Variants in GALNT18 observed in about 807,000 individuals in gnomAD.
The protein encoded by GALNT18 is GalNAc-transferase 18.
Under a neutral mutation model 69.5 loss-of-function variants are expected in GALNT18, and 44 were observed. The ratio of observed to expected loss-of-function variants is 0.63; its 90% CI spans 0.50 to 0.81. The LOEUF is 0.81. Ranked by LOEUF, GALNT18 falls within the 40% of genes least tolerant of loss-of-function variation. The pLI is 0.00. For missense variants in GALNT18, 715 were observed against 810.0 expected, an observed-to-expected ratio of 0.88 and a Z score of 1.42; for synonymous variants, 364 against 318.2, an observed-to-expected ratio of 1.14 and a Z score of -1.53.
chr11:11,488,986 A>G (rs1482041862), intron 1 of GALNT18, among the ~76,000 whole-genome samples: 1 of 152,262 alleles, frequency 6.6e-6, no homozygotes, highest in Non-Finnish European at 1.5e-5. Flanking sequence ...AAGAATAAAA[A>G]GAAGGGCTTA....
intron 1 of GALNT18, among the ~76,000 whole-genome samples, chr11:11,482,748 CT>C (rs1856561585): frequency 6.6e-6 from 1 of 152,194 alleles, no homozygotes. Context: ...TACATCAGTT[CT>C]TCAGCAATCT....
rs534563209 is a variant in GALNT18 at position 11,477,642 on chromosome 11, G to A, written c.236-28706C>T. 3.3e-5 allele frequency among the ~76,000 whole-genome samples: 5 copies of A among 152,298 alleles called. No homozygotes were observed. The East Asian group carries it at 5.8e-4, about 18-fold the overall frequency. Reference sequence around the variant, plus strand: ...CAGATCCTCTAGTAGAATTAACAGCGAGTTTAAGTTTTGCTGATTAAATAG... The same window carrying A: ...CAGATCCTCTAGTAGAATTAACAGCAAGTTTAAGTTTTGCTGATTAAATAG... On this transcript the variant is annotated intron_variant, in intron 1 of 10. Transcript: ENST00000227756.
chr11:11,300,979 G>A (rs1410735283), intron 9 of GALNT18, among the ~76,000 whole-genome samples: 3 of 152,152 alleles, frequency 2.0e-5, no homozygotes, highest in Non-Finnish European at 2.9e-5. Flanking sequence ...TAAAAGCAAT[G>A]CCCCTGCAGA....
Position 11,436,583 on chromosome 11 carries a change from T to C in GALNT18, c.429-3796A>G, listed in dbSNP as rs887973920. On this transcript the variant is annotated intron_variant, in intron 2 of 10. Coordinates refer to ENST00000227756, the MANE Select transcript of GALNT18 (RefSeq NM_198516.3). The surrounding 1 kb of genome is among the most constrained non-coding windows in gnomAD (Gnocchi z 4.5). ...GCAGCAGGTCTTCCATTGGTGTTTG[T>C]TGAATAAATTCCCTTTCAGTTTCCA... 6.6e-6 allele frequency among the ~76,000 whole-genome samples: 1 copy of C among 152,210 alleles called. No individual in the cohort carries two copies. The highest frequency in any genetic ancestry group is 1.5e-5 in the Non-Finnish European group (1 of 68,038).
chr11:11,553,659 G>A (rs1858254807), intron 1 of GALNT18, among the ~76,000 whole-genome samples: 2 of 150,136 alleles, frequency 1.3e-5, no homozygotes, highest in African/African-American at 4.8e-5. Context: ...GAAGTGTGGA[G>A]AGGACTGAGA....
intron 3 of GALNT18, among the ~76,000 whole-genome samples, chr11:11,411,562 C>T (rs2133757500): frequency 6.6e-6 from 1 of 152,302 alleles, no homozygotes; most frequent in South Asian, 2.1e-4. Context: ...TGTTTTGGCA[C>T]TGAAAGGCCA....
intron 1 of GALNT18, among the ~76,000 whole-genome samples, chr11:11,547,357 C>A (rs982499863): frequency 2.0e-5 from 3 of 152,156 alleles, no homozygotes; most frequent in Admixed American, 2.0e-4. Context: ...TCAGGTAAGG[C>A]CCCTAGACAG....
intron 10 of GALNT18, among the ~76,000 whole-genome samples, chr11:11,291,954 G>GGGAGAGTAACT (rs1849307763): frequency 6.6e-6 from 1 of 152,178 alleles, no homozygotes; most frequent in African/African-American, 2.4e-5. Context: ...CCTTGCTACA[G>GGGAGAGTAACT]GGAGAGTAAC....
chr11:11,615,884 C>A (rs916174810), intron 1 of GALNT18, among the ~76,000 whole-genome samples: 1 of 152,126 alleles, frequency 6.6e-6, no homozygotes, highest in Non-Finnish European at 1.5e-5. Flanking sequence ...CCTAAGGCAT[C>A]TATGTAAAAT....
At chr11:11,323,472 C>T (rs1423607066) in intron 9 of GALNT18, among the ~76,000 whole-genome samples, 1 of 152,218 alleles carries the variant, frequency 6.6e-6, no homozygotes, top group Non-Finnish European at 1.5e-5. Flanking sequence ...TCAAGAATAA[C>T]CCTCTTTGGC....
At chr11:11,451,969 T>G (rs1048188648) in intron 1 of GALNT18, among the ~76,000 whole-genome samples, 1 of 152,172 alleles carries the variant, frequency 6.6e-6, no homozygotes, top group Non-Finnish European at 1.5e-5. Flanking sequence ...TAGAACACAG[T>G]CACATCCACT....
intron 9 of GALNT18, among the ~76,000 whole-genome samples, chr11:11,324,066 T>A (rs1849878398): frequency 1.3e-5 from 2 of 152,152 alleles, no homozygotes; most frequent in Admixed American, 1.3e-4. Flanking sequence ...CTTTCCCATG[T>A]GAGGACACAG....
At position 11,432,525 on chromosome 11, in the gene GALNT18, G is replaced by A. The variant is rs1855290680; in HGVS notation, c.595+96C>T. The A allele has an allele frequency of 4.0e-6, 5 of 1,254,928 alleles. No individual in the cohort carries two copies. The South Asian group carries it at 7.3e-5, about 18-fold the overall frequency. 77.7% of individuals were successfully genotyped at this position (1,254,928 alleles called of 1,614,324 possible). On this transcript the variant is annotated intron_variant, in intron 3 of 10. Coordinates refer to ENST00000227756, the MANE Select transcript of GALNT18 (RefSeq NM_198516.3). This position sits in a 1 kb window ranked among gnomAD's most constrained non-coding sequence, Gnocchi z 5.8. ...ATGCTCCAGAGAAAGAGCAGCCACA[G>A]ACAGCCTTGAGCAAATGTGAACCAC...
At chr11:11,398,172 T>C (rs1010194254) in intron 3 of GALNT18, among the ~76,000 whole-genome samples, 1 of 152,242 alleles carries the variant, frequency 6.6e-6, no homozygotes, top group Non-Finnish European at 1.5e-5. Context: ...GCACACTTAA[T>C]AAGTAGCAGA....
chr11:11,578,903 C>T (rs1395907677), intron 1 of GALNT18, among the ~76,000 whole-genome samples: 2 of 152,210 alleles, frequency 1.3e-5, no homozygotes, highest in Non-Finnish European at 2.9e-5. Context: ...GCTATGTCAG[C>T]AGCGAAGAAC....
Position 11,596,656 on chromosome 11 carries a change from C to T in GALNT18, c.235+24703G>A, listed in dbSNP as rs575046456. ...GATTTTTTATAGTTTGTTTTCAGAT[C>T]GCCCACTGATAGTGATAGAAATACA... is the stretch of plus-strand genomic sequence containing the variant. On this transcript the variant is annotated intron_variant, in intron 1 of 10. Coordinates refer to ENST00000227756, the MANE Select transcript of GALNT18 (RefSeq NM_198516.3). The surrounding 1 kb of genome is among the most constrained non-coding windows in gnomAD (Gnocchi z 4.2). Among the ~76,000 whole-genome samples the T allele has an allele frequency of 8.5e-5, 13 of 152,108 alleles. No individual in the cohort carries two copies. Among genetic ancestry groups the T allele is most frequent in the Non-Finnish European group, 1.8e-4 (12 of 67,962 alleles).
At chr11:11,574,002 A>G (rs985337104) in intron 1 of GALNT18, among the ~76,000 whole-genome samples, 3 of 152,226 alleles carry the variant, frequency 2.0e-5, no homozygotes, top group African/African-American at 2.4e-5. Flanking sequence ...AAGAGCTGAC[A>G]TTCAAATCTA....
At chr11:11,330,882 T>G (rs1031697790) in intron 8 of GALNT18, among the ~76,000 whole-genome samples, 3 of 152,182 alleles carry the variant, frequency 2.0e-5, no homozygotes, top group African/African-American at 7.2e-5. Flanking sequence ...CCTCTCTGGG[T>G]GAGTTTGGCT....
chr11:11,311,713 C>T (rs1171469290), intron 9 of GALNT18, among the ~76,000 whole-genome samples: 4 of 152,188 alleles, frequency 2.6e-5, no homozygotes, highest in African/African-American at 9.7e-5. Flanking sequence ...GGGGAGGGCA[C>T]ATCTCTCAAG....
Sources: allele counts gnomAD v4.1 joint callset (sites outside exome capture counted in the v4.1 genomes callset), GRCh38; gene constraint gnomAD v4.1.1; non-coding constraint Gnocchi (gnomAD v3.1); transcripts MANE v1.5; gene names NCBI Gene and HGNC (gene_info 2026-07-23, HGNC 2026-07-21).